CDH4: variants seen among roughly 807,000 people sequenced by gnomAD.
CDH4 encodes the protein cadherin-4.
Under a neutral mutation model 86.0 loss-of-function variants are expected in CDH4, and 33 were observed. That is an observed-to-expected ratio of 0.38 (90% confidence interval 0.29 to 0.51). The LOEUF is 0.51. Among genes scored for constraint, CDH4 ranks in the 20% least tolerant of loss-of-function variants. The pLI, the probability that CDH4 is intolerant of heterozygous loss-of-function variation, is 0.86. For missense variants in CDH4, 1,114 were observed against 1,307.4 expected (o/e 0.85, Z 2.28); for synonymous variants, 555 against 549.4 (o/e 1.01, Z -0.14).
intron 2 of CDH4, among the ~76,000 whole-genome samples, chr20:61,652,612 A>G (rs1167825701): frequency 6.6e-6 from 1 of 152,146 alleles, no homozygotes; most frequent in Non-Finnish European, 1.5e-5. Flanking sequence ...CGATGCATGG[A>G]CATTGATAAT....
intron 2 of CDH4, among the ~76,000 whole-genome samples, chr20:61,533,075 AGGACCCTGAGAG>A (rs1212598122): frequency 2.0e-5 from 3 of 152,150 alleles, no homozygotes; most frequent in African/African-American, 4.8e-5. Flanking sequence ...CTTCAAGGTG[AGGACCCTGAGAG>A]GGACCCTGAG....
chr20:61,928,048 C>T (rs1014925718), intron 11 of CDH4, 142 bp from the exon 12 acceptor site: 18 of 730,360 alleles, frequency 2.5e-5, no homozygotes, highest in South Asian at 1.1e-4. Flanking sequence ...GGGAGATGGC[C>T]GGCCGTGTCC....
intron 2 of CDH4, among the ~76,000 whole-genome samples, chr20:61,427,928 G>A (rs2085223771): frequency 6.6e-6 from 1 of 151,836 alleles, no homozygotes; most frequent in African/African-American, 2.4e-5. Flanking sequence ...AGAAAGAGAG[G>A]GAAAGACTTT....
At chr20:61,426,715 A>T (rs911973192) in intron 2 of CDH4, among the ~76,000 whole-genome samples, 6 of 152,232 alleles carry the variant, frequency 3.9e-5, no homozygotes, top group Admixed American at 3.9e-4. Context: ...AGCTGTTGAC[A>T]CCAGCGAAGG....
intron 9 of CDH4, among the ~76,000 whole-genome samples, chr20:61,919,603 T>C (rs1377919463): frequency 2.0e-5 from 3 of 152,260 alleles, no homozygotes; most frequent in Non-Finnish European, 2.9e-5. Flanking sequence ...TGGGGAAAGC[T>C]GATTGATTCC....
chr20:61,297,537 G>C (rs2084362740), intron 2 of CDH4, among the ~76,000 whole-genome samples: 1 of 152,268 alleles, frequency 6.6e-6, no homozygotes. Flanking sequence ...TCTGTGTCTT[G>C]GGGCCCCTGG....
chr20:61,702,884 C>T (rs2087791421), intron 2 of CDH4, among the ~76,000 whole-genome samples: 2 of 152,226 alleles, frequency 1.3e-5, no homozygotes, highest in African/African-American at 4.8e-5. Flanking sequence ...TCCTGCAAAG[C>T]AAATCAGGCC....
intron 2 of CDH4, among the ~76,000 whole-genome samples, chr20:61,656,299 GGGTA>G: frequency 8.0e-6 from 1 of 125,554 alleles, no homozygotes; most frequent in African/African-American, 3.4e-5. Context: ...GTGCTGGGGT[GGGTA>G]GGCACGTGCT....
At chr20:61,869,639 CCCT>C (rs1230575054) in intron 6 of CDH4, among the ~76,000 whole-genome samples, 1 of 152,204 alleles carries the variant, frequency 6.6e-6, no homozygotes, top group Non-Finnish European at 1.5e-5. Flanking sequence ...CCCACCTGGC[CCCT>C]CCTCAATGCC....
At chr20:61,270,796 T>C (rs1297662825) in intron 2 of CDH4, among the ~76,000 whole-genome samples, 1 of 152,182 alleles carries the variant, frequency 6.6e-6, no homozygotes, top group African/African-American at 2.4e-5. Flanking sequence ...TCAAGTGTTT[T>C]TTTGTCATGG....
intron 2 of CDH4, among the ~76,000 whole-genome samples, chr20:61,461,179 T>G (rs529068571): frequency 2.1e-4 from 32 of 151,858 alleles, no homozygotes; most frequent in Admixed American, 9.8e-4. Flanking sequence ...ATTGATAATC[T>G]AGGAAGCCAT....
At chr20:61,706,179 T>G (rs1490794899) in intron 2 of CDH4, among the ~76,000 whole-genome samples, 1 of 152,170 alleles carries the variant, frequency 6.6e-6, no homozygotes. Flanking sequence ...TGTAAAACTT[T>G]TCCAGCTGCG....
intron 4 of CDH4, among the ~76,000 whole-genome samples, chr20:61,834,467 C>T (rs1600697784): frequency 6.6e-6 from 1 of 152,352 alleles, no homozygotes; most frequent in Admixed American, 6.5e-5. Context: ...ACCCTGCTCC[C>T]GTATCCCCAG....
intron 2 of CDH4, among the ~76,000 whole-genome samples, chr20:61,263,190 G>A (rs1237552010): frequency 6.6e-6 from 1 of 152,142 alleles, no homozygotes; most frequent in African/African-American, 2.4e-5. Context: ...GAGTGGGACT[G>A]TGGTGTCTGG....
chr20:61,664,685 C>T (rs944750518), intron 2 of CDH4, among the ~76,000 whole-genome samples: 6 of 152,238 alleles, frequency 3.9e-5, no homozygotes, highest in Non-Finnish European at 8.8e-5. Context: ...GAGAAGTTCT[C>T]TCAGCCAAGA....
chr20:61,852,866 A>G lies in CDH4; in HGVS notation c.845A>G (p.Tyr282Cys). ...DNRPEFINQV[Y>C]NGSVDEGSKP... ...CGCCCTGAGTTCATCAACCAGGTCT[A>G]CAACGGCTCCGTGGACGAGGGCTCC... Residue 282 changes from tyrosine (Y) to cysteine (C), a missense_variant, in exon 6 of 16, where the codon TAC (tyrosine) becomes TGC (cysteine). Around this residue, in one of 3 missense-constraint regions of CDH4, gnomAD observed 705 missense variants for 914.1 expected, o/e 0.77. Coordinates refer to ENST00000614565, the MANE Select transcript of CDH4 (RefSeq NM_001794.5). The G allele has an allele frequency of 1.9e-6, 3 of 1,614,024 alleles. No individual in the cohort carries two copies. Among genetic ancestry groups the G allele is most frequent in the Non-Finnish European group, 2.5e-6 (3 of 1,179,946 alleles).
At chr20:61,702,687 C>T (rs1282948488) in intron 2 of CDH4, among the ~76,000 whole-genome samples, 1 of 152,148 alleles carries the variant, frequency 6.6e-6, no homozygotes, top group Non-Finnish European at 1.5e-5. Context: ...TTTGTTTGTA[C>T]TTGAGCTGCA....
chr20:61,331,704 C>A (rs1013053625), intron 2 of CDH4, among the ~76,000 whole-genome samples: 4 of 131,950 alleles, frequency 3.0e-5, no homozygotes, highest in Non-Finnish European at 6.8e-5. Flanking sequence ...CCCAGAGCCA[C>A]CTCCTGCCCC....
In CDH4 at chr20:61,810,760, C is replaced by T. The variant is rs1045338083; in HGVS notation, c.577-33908C>T. ...GTCTGGCTGCCAGGGCAGAACCAAG[C>T]AGGGCCCGCAGTCTGCAAGAACTCC... On this transcript the variant is annotated intron_variant, in intron 4 of 15. Transcript: ENST00000614565. The surrounding 1 kb of genome is among the most constrained non-coding windows in gnomAD (Gnocchi z 4.3). 6.6e-6 allele frequency among the ~76,000 whole-genome samples: 1 copy of T among 152,190 alleles called. No individual in the cohort carries two copies. The highest frequency in any genetic ancestry group is 2.4e-5 in the African/African-American group (1 of 41,450).
Sources: gnomAD v4.1 joint callset for allele counts (sites outside exome capture counted in the v4.1 genomes callset) on GRCh38, gnomAD v4.1.1 for gene constraint, gnomAD v4.1.1 regional missense constraint, Gnocchi (gnomAD v3.1) non-coding constraint, MANE v1.5 for transcripts, NCBI Gene and HGNC (gene_info 2026-07-23, HGNC 2026-07-21) for gene names.